Variants in SPTB observed in about 807,000 individuals in gnomAD.
SPTB encodes spectrin beta chain, erythrocytic.
In SPTB, 45 loss-of-function variants were observed where a neutral mutation model predicts 256.2. The ratio of observed to expected loss-of-function variants is 0.18; its 90% CI spans 0.14 to 0.23. The LOEUF is 0.23. Ranked by LOEUF, SPTB falls within the 10% of genes least tolerant of loss-of-function variation. SPTB has a pLI of 1.00. For missense variants in SPTB, 2,715 were observed against 3,040.4 expected, an observed-to-expected ratio of 0.89 and a Z score of 2.52; for synonymous variants, 1,231 against 1,243.1, an observed-to-expected ratio of 0.99 and a Z score of 0.21.
At chr14:64,864,564 C>A (rs1042530413) in intron 1 of SPTB, among the ~76,000 whole-genome samples, 2 of 152,108 alleles carry the variant, frequency 1.3e-5, no homozygotes, top group Non-Finnish European at 2.9e-5. Flanking sequence ...AAATAAATGA[C>A]CACAGCATAC....
At position 64,824,098 on chromosome 14, in the gene SPTB, G is replaced by A. The variant is rs1315002258; in HGVS notation, c.-51-953C>T. Among the ~76,000 whole-genome samples the A allele has an allele frequency of 6.6e-6, 1 of 152,214 alleles. No individual in the cohort carries two copies. Among genetic ancestry groups the A allele is most frequent in the Non-Finnish European group, 1.5e-5 (1 of 68,042 alleles). ...GGGGCAAGTAAGACAGGAAAGTCAT[G>A]TCCTCACAGAGCTTGGAATCTGGTG... On this transcript the variant is annotated intron_variant, in intron 1 of 35. Coordinates refer to ENST00000644917, the MANE Select transcript of SPTB (RefSeq NM_001355436.2). This position sits in a 1 kb window ranked among gnomAD's most constrained non-coding sequence, Gnocchi z 5.7.
At chr14:64,813,435 A>T (rs909454414) in intron 2 of SPTB, among the ~76,000 whole-genome samples, 1 of 152,158 alleles carries the variant, frequency 6.6e-6, no homozygotes, top group Non-Finnish European at 1.5e-5. Flanking sequence ...GCAGGTTCAC[A>T]ATTTGGGATT....
rs1403103440 is a variant in SPTB at position 64,749,506 on chromosome 14, GGCCCACA to G, written c.6820-40_6820-34del. 3.4e-5 allele frequency: 55 copies of G among 1,597,666 alleles called. 1 individual carries two copies. Among genetic ancestry groups the G allele is most frequent in the Non-Finnish European group, 4.5e-5 (53 of 1,177,676 alleles). ...GCGGAGGGTCACGGTGGAGTCTGGAGGCCCACAGCCCCCCACCTCCCGGGCCAGGCAA... is the reference window on the plus strand; with the variant it reads ...GCGGAGGGTCACGGTGGAGTCTGGAGGCCCCCCACCTCCCGGGCCAGGCAA... On this transcript the variant is annotated intron_variant, in intron 35 of 35. Coordinates refer to ENST00000644917, the MANE Select transcript of SPTB (RefSeq NM_001355436.2). The surrounding 1 kb of genome is among the most constrained non-coding windows in gnomAD (Gnocchi z 4.7).
Position 64,764,397 on chromosome 14 carries a change from G to A in SPTB, c.6345+2329C>T, listed in dbSNP as rs1594749506. 6.6e-6 allele frequency among the ~76,000 whole-genome samples: 1 copy of A among 152,234 alleles called. No individual in the cohort carries two copies. The highest frequency in any genetic ancestry group is 2.4e-5 in the African/African-American group (1 of 41,456). On this transcript the variant is annotated intron_variant, in intron 32 of 35. Coordinates refer to ENST00000644917, the MANE Select transcript of SPTB (RefSeq NM_001355436.2). The surrounding 1 kb of genome is among the most constrained non-coding windows in gnomAD (Gnocchi z 4.2). Reference sequence around the variant, plus strand: ...GGGAGCAGCAGCAGGAAATCTGTGCGTGAGGCCTTGGGTCTGTGTTCGTTT... The same window carrying A: ...GGGAGCAGCAGCAGGAAATCTGTGCATGAGGCCTTGGGTCTGTGTTCGTTT...
intron 1 of SPTB, among the ~76,000 whole-genome samples, chr14:64,839,002 G>C (rs189476386): frequency 6.6e-6 from 1 of 151,996 alleles, no homozygotes; most frequent in Non-Finnish European, 1.5e-5. Context: ...GGGTAGTGGC[G>C]GGTGCCTGTA....
At position 64,822,933 on chromosome 14, in the gene SPTB, GC is replaced by G. The variant is rs777174270; in HGVS notation, c.148+13del. The G allele has an allele frequency of 6.2e-7, 1 of 1,612,764 alleles. No homozygotes were observed. Among genetic ancestry groups the G allele is most frequent in the Admixed American group, 1.7e-5 (1 of 60,008 alleles). ...GTGAGAATGCCCTCCAACCCTTGTGGCCCCAAACAGTACCTGCCAAGGCCTT... is the reference window on the plus strand; with the variant it reads ...GTGAGAATGCCCTCCAACCCTTGTGGCCCAAACAGTACCTGCCAAGGCCTT... On this transcript the variant is annotated intron_variant, in intron 2 of 35. Transcript: ENST00000644917.
At chr14:64,753,983 T>A in intron 32 of SPTB, 190 bp from the exon 33 acceptor site, 1 of 722,368 alleles carries the variant, frequency 1.4e-6, no homozygotes, top group Non-Finnish European at 2.4e-6. Context: ...TTCTCTACTC[T>A]GCCTGTGCTT....
intron 33 of SPTB, among the ~76,000 whole-genome samples, chr14:64,751,050 TTATATAA>T (rs1181284626): frequency 2.1e-5 from 3 of 144,260 alleles, no homozygotes; most frequent in South Asian, 2.1e-4. Flanking sequence ...CAATTATATA[TTATATAA>T]TATATAACAT....
intron 19 of SPTB, among the ~76,000 whole-genome samples, chr14:64,782,975 G>A (rs565999676): frequency 1.3e-5 from 2 of 152,216 alleles, no homozygotes; most frequent in African/African-American, 4.8e-5. Flanking sequence ...CCGCAGCATG[G>A]GAGTTGCAGA....
At chr14:64,783,672 T>C (rs1239044356) in intron 19 of SPTB, among the ~76,000 whole-genome samples, 1 of 152,230 alleles carries the variant, frequency 6.6e-6, no homozygotes, top group Non-Finnish European at 1.5e-5. Flanking sequence ...AGTCTGATCC[T>C]AGGGCTGCTT....
intron 1 of SPTB, among the ~76,000 whole-genome samples, chr14:64,870,745 TAG>T (rs1882482758): frequency 6.6e-6 from 1 of 152,166 alleles, no homozygotes. Flanking sequence ...AGATTATAAA[TAG>T]AATTACTATG....
intron 2 of SPTB, among the ~76,000 whole-genome samples, chr14:64,822,401 C>CAAGAG (rs1555374137): frequency 2.9e-5 from 4 of 136,524 alleles, no homozygotes; most frequent in African/African-American, 1.1e-4. Context: ...CACACACACA[C>CAAGAG]AGAGAGATCT....
chr14:64,764,452 G>A lies in SPTB; in HGVS notation c.6345+2274C>T, dbSNP rs2082137148. On this transcript the variant is annotated intron_variant, in intron 32 of 35. Coordinates refer to ENST00000644917, the MANE Select transcript of SPTB (RefSeq NM_001355436.2). This position sits in a 1 kb window ranked among gnomAD's most constrained non-coding sequence, Gnocchi z 4.2. ...CACCATCTGGTTTCTTTCCGGTACC[G>A]GGCACAAGCCAGTCTTCCCATCTGC... Among the ~76,000 whole-genome samples, 1 of 152,138 alleles carries A rather than the reference G, an allele frequency of 6.6e-6. No homozygotes were observed. Among genetic ancestry groups the A allele is most frequent in the South Asian group, 2.1e-4 (1 of 4,832 alleles).
intron 32 of SPTB, chr14:64,754,101 A>T (rs1408074808): frequency 6.0e-6 from 3 of 502,110 alleles, no homozygotes; most frequent in Non-Finnish European, 1.1e-5. Flanking sequence ...AAGGGGCCTG[A>T]GTGATTATTT....
chr14:64,750,848 TTATTA>T (rs1594734333), intron 33 of SPTB, among the ~76,000 whole-genome samples: 1 of 146,152 alleles, frequency 6.8e-6, no homozygotes, highest in East Asian at 2.0e-4. Context: ...ATTTACATAT[TTATTA>T]TATAACATAT....
chr14:64,851,487 CAGCAGCAGCAGCAGTAGTAGTAG>C (rs2083785346), intron 1 of SPTB, among the ~76,000 whole-genome samples: 2 of 151,966 alleles, frequency 1.3e-5, no homozygotes, highest in Admixed American at 1.3e-4. Context: ...GTAGCAGTAG[CAGCAGCAGCAGCAGTAGTAGTAG>C]TAGCAGCAGT....
chr14:64,765,896 T>G (rs1393311833), intron 32 of SPTB, among the ~76,000 whole-genome samples: 4 of 146,738 alleles, frequency 2.7e-5, no homozygotes, highest in African/African-American at 1.0e-4. Flanking sequence ...TGTGTGCATG[T>G]GTGTGTGTGT....
At position 64,845,035 on chromosome 14, in the gene SPTB, C is replaced by T. The variant is rs987599320; in HGVS notation, c.-51-21890G>A. On this transcript the variant is annotated intron_variant, in intron 1 of 35. Coordinates refer to ENST00000644917, the MANE Select transcript of SPTB (RefSeq NM_001355436.2). The surrounding 1 kb of genome is among the most constrained non-coding windows in gnomAD (Gnocchi z 4.8). ...CTTCCTTGTTAAAGAGAGAGATGGA[C>T]ATGGAAAATAAGCAAAGCACTGAGA... 3.9e-5 allele frequency among the ~76,000 whole-genome samples: 6 copies of T among 152,206 alleles called. No homozygotes were observed. Among genetic ancestry groups the T allele is most frequent in the African/African-American group, 9.6e-5 (4 of 41,454 alleles).
At chr14:64,820,728 T>A (rs2083271986) in intron 2 of SPTB, among the ~76,000 whole-genome samples, 1 of 152,164 alleles carries the variant, frequency 6.6e-6, no homozygotes, top group South Asian at 2.1e-4. Flanking sequence ...TGGAGTGCAG[T>A]GGCGTGATCT....
Sources: gnomAD v4.1 joint callset for allele counts (sites outside exome capture counted in the v4.1 genomes callset) on GRCh38, gnomAD v4.1.1 for gene constraint, Gnocchi (gnomAD v3.1) non-coding constraint, MANE v1.5 for transcripts, NCBI Gene and HGNC (gene_info 2026-07-23, HGNC 2026-07-21) for gene names.